The following ZC3H12B variants were observed in gnomAD, a reference collection of about 807,000 sequenced individuals.
The protein encoded by ZC3H12B is zinc finger CCCH-type containing 12B.
A neutral mutation model predicts 43.9 loss-of-function variants in ZC3H12B; 7 were observed. The observed-to-expected ratio is 0.16, with a 90% CI of 0.09 to 0.30. The LOEUF (loss-of-function observed/expected upper bound fraction) is 0.30, where lower values mean the gene tolerates loss of function less well. Ranked by LOEUF, ZC3H12B falls within the 10% of genes least tolerant of loss-of-function variation. The pLI, the probability that ZC3H12B is intolerant of heterozygous loss-of-function variation, is 1.00. For missense variants in ZC3H12B, 475 were observed against 670.2 expected (o/e 0.71, Z 3.22); for synonymous variants, 222 against 241.7 (o/e 0.92, Z 0.76).
the ZC3H12B span, among the ~76,000 whole-genome samples, chrX:65,330,386 T>C: frequency 9.0e-6 from 1 of 111,579 alleles, no homozygotes; most frequent in African/African-American, 3.3e-5. Context: ...CCTAATTGAA[T>C]GCCCTTTATT....
chrX:65,435,685 GA>G (rs2067213007), intron 3 of ZC3H12B, among the ~76,000 whole-genome samples: 1 of 110,984 alleles, frequency 9.0e-6, no homozygotes, highest in African/African-American at 3.3e-5. Flanking sequence ...TAGATAGATA[GA>G]TAGATAGATA....
intron 3 of ZC3H12B, among the ~76,000 whole-genome samples, chrX:65,459,864 T>G (rs1212143004): frequency 9.0e-6 from 1 of 111,301 alleles, no homozygotes; most frequent in Non-Finnish European, 1.9e-5. Context: ...CCAGGGCAAT[T>G]AGGCAGGAGA....
the ZC3H12B span, among the ~76,000 whole-genome samples, chrX:65,285,488 A>C: frequency 9.0e-6 from 1 of 111,646 alleles, no homozygotes; most frequent in African/African-American, 3.3e-5. Flanking sequence ...TCTAGTCACC[A>C]AAAAAGTAAA....
At chrX:65,318,331 T>C in the ZC3H12B span, among the ~76,000 whole-genome samples, 3 of 110,436 alleles carry the variant, frequency 2.7e-5, no homozygotes, top group South Asian at 1.2e-3. Flanking sequence ...CTTCTTCCTT[T>C]TTTCTTCTTC....
upstream of ZC3H12B, among the ~76,000 whole-genome samples, chrX:65,363,884 C>A (rs2066137700): frequency 9.0e-6 from 1 of 111,467 alleles, no homozygotes; most frequent in Non-Finnish European, 1.9e-5. Flanking sequence ...ATACTTTGTG[C>A]TCCCCAGTTC....
chrX:65,477,366 CACACACACGT>C (rs1316836828), intron 3 of ZC3H12B, among the ~76,000 whole-genome samples: 1 of 88,955 alleles, frequency 1.1e-5, no homozygotes, highest in Non-Finnish European at 1.9e-5. Context: ...AAGCATTATA[CACACACACGT>C]GCACACACAC....
At chrX:65,381,033 T>C (rs1312508972) in intron 2 of ZC3H12B, among the ~76,000 whole-genome samples, 2 of 110,896 alleles carry the variant, frequency 1.8e-5, no homozygotes, top group Non-Finnish European at 3.8e-5. Flanking sequence ...CTGTCAACAT[T>C]GACAGATCAA....
the ZC3H12B span, among the ~76,000 whole-genome samples, chrX:65,261,795 AT>A: frequency 9.0e-6 from 1 of 111,363 alleles, no homozygotes. Flanking sequence ...ATACCCAGAT[AT>A]TATAATGCAG....
At chrX:65,461,498 T>C (rs1006731330) in intron 3 of ZC3H12B, among the ~76,000 whole-genome samples, 27 of 112,291 alleles carry the variant, frequency 2.4e-4, no homozygotes, top group Non-Finnish European at 2.4e-4. Context: ...GTGGCACATA[T>C]ACACCATGGA....
chrX:65,287,095 C>T, the ZC3H12B span, among the ~76,000 whole-genome samples: 1 of 110,417 alleles, frequency 9.1e-6, no homozygotes, highest in African/African-American at 3.3e-5. Context: ...TGTGGGACTC[C>T]CAACACCCCA....
At chrX:65,498,696 A>G (rs2068325152) in intron 2 of ZC3H12B, among the ~76,000 whole-genome samples, 1 of 112,341 alleles carries the variant, frequency 8.9e-6, no homozygotes. Context: ...AGGGCAAAAC[A>G]AGCATCAAGA....
At chrX:65,108,095 C>T in the ZC3H12B span, among the ~76,000 whole-genome samples, 1 of 111,019 alleles carries the variant, frequency 9.0e-6, no homozygotes, top group Non-Finnish European at 1.9e-5. Flanking sequence ...GTGAATGGAG[C>T]TTGCAGAACT....
chrX:65,180,521 T>C, the ZC3H12B span, among the ~76,000 whole-genome samples: 1 of 111,349 alleles, frequency 9.0e-6, no homozygotes, highest in East Asian at 2.8e-4. Context: ...AACCCCATCA[T>C]CTCAGCCGAA....
chrX:65,044,692 A>G, the ZC3H12B span, among the ~76,000 whole-genome samples: 1 of 111,554 alleles, frequency 9.0e-6, no homozygotes, highest in East Asian at 2.8e-4. Flanking sequence ...TAGTCAGATT[A>G]TGAAGATATA....
chrX:65,407,776 G>C (rs931721550), intron 3 of ZC3H12B, among the ~76,000 whole-genome samples: 1 of 113,477 alleles, frequency 8.8e-6, no homozygotes, highest in Non-Finnish European at 1.9e-5. Flanking sequence ...CGGGGGGTTG[G>C]AGCACTGCCC....
At chrX:65,271,611 C>A in the ZC3H12B span, 1 of 112,215 alleles carries the variant, frequency 8.9e-6, no homozygotes, top group South Asian at 3.7e-4. Flanking sequence ...CTGTTGTGGC[C>A]ACTAACAGTG....
At chrX:65,160,810 ATG>A in the ZC3H12B span, among the ~76,000 whole-genome samples, 1 of 110,987 alleles carries the variant, frequency 9.0e-6, no homozygotes, top group Non-Finnish European at 1.9e-5. Flanking sequence ...TAGCTTTTGA[ATG>A]TGTTTGCTCT....
chrX:65,174,887 T>G, the ZC3H12B span, among the ~76,000 whole-genome samples: 1 of 109,349 alleles, frequency 9.1e-6, no homozygotes, highest in Non-Finnish European at 1.9e-5. Flanking sequence ...TTTACAGTTC[T>G]GTATTGCGGG....
At chrX:65,058,601 G>C in the ZC3H12B span, among the ~76,000 whole-genome samples, 5 of 112,054 alleles carry the variant, frequency 4.5e-5, no homozygotes, top group African/African-American at 1.6e-4. Context: ...TGTCTTCCAA[G>C]CTGTCAGACA....
Sources: gnomAD v4.1 joint callset for allele counts (sites outside exome capture counted in the v4.1 genomes callset) on GRCh38, gnomAD v4.1.1 for gene constraint, MANE v1.5 for transcripts, NCBI Gene and HGNC (gene_info 2026-07-23, HGNC 2026-07-21) for gene names.